The following CCDC73 variants were observed in gnomAD, a reference collection of about 807,000 sequenced individuals.
The protein encoded by CCDC73 is coiled-coil domain-containing protein 73.
In CCDC73, 95 loss-of-function variants were observed where a neutral mutation model predicts 116.5. The ratio of observed to expected loss-of-function variants is 0.82; its 90% CI spans 0.69 to 0.97. The LOEUF (loss-of-function observed/expected upper bound fraction) is 0.97, where lower values mean the gene tolerates loss of function less well. CCDC73 is among the 50% of genes least tolerant of loss of function. The pLI, the probability that CCDC73 is intolerant of heterozygous loss-of-function variation, is 0.00. For missense variants in CCDC73, 1,066 were observed against 1,206.8 expected, an observed-to-expected ratio of 0.88 and a Z score of 1.73; for synonymous variants, 398 against 401.3, an observed-to-expected ratio of 0.99 and a Z score of 0.10.
intron 2 of CCDC73, among the ~76,000 whole-genome samples, chr11:32,738,208 G>A (rs1170460501): frequency 6.6e-6 from 1 of 152,072 alleles, no homozygotes; most frequent in East Asian, 1.9e-4. Context: ...CTTTCCTTTG[G>A]GTATATACCT....
chr11:32,644,213 C>T (rs1035231174), intron 12 of CCDC73, among the ~76,000 whole-genome samples: 6 of 152,188 alleles, frequency 3.9e-5, no homozygotes, highest in South Asian at 2.1e-4. Context: ...AGGCCATTAT[C>T]CTAAGAAAAC....
At chr11:32,686,417 T>C (rs780954502) in intron 6 of CCDC73, among the ~76,000 whole-genome samples, 1 of 151,314 alleles carries the variant, frequency 6.6e-6, no homozygotes, top group Non-Finnish European at 1.5e-5. Context: ...GATGTACATT[T>C]AGAAGTCTTC....
chr11:32,687,278 A>G (rs2133299686), intron 6 of CCDC73, among the ~76,000 whole-genome samples: 1 of 152,222 alleles, frequency 6.6e-6, no homozygotes, highest in East Asian at 1.9e-4. Flanking sequence ...AGAAAAGAGG[A>G]TTTTCCCATG....
At chr11:32,661,856 C>A (rs1239918572) in intron 9 of CCDC73, among the ~76,000 whole-genome samples, 1 of 150,494 alleles carries the variant, frequency 6.6e-6, no homozygotes, top group Non-Finnish European at 1.5e-5. Context: ...CACAACAGTC[C>A]CCGGAGTGTG....
rs185554095 is a variant in CCDC73, at chr11:32,712,964, T to C, written c.207+5112A>G. On this transcript the variant is annotated intron_variant, in intron 3 of 17. Transcript: ENST00000335185. ...AATAACTTCCTATATAAAGTATATC[T>C]CTTTGATCTCTATTTCTAATAAGTG... 8.5e-5 allele frequency among the ~76,000 whole-genome samples: 13 copies of C among 152,192 alleles called. No individual in the cohort carries two copies. In the East Asian group the frequency reaches 2.5e-3, roughly 29 times the overall value.
chr11:32,693,629 C>T lies in CCDC73; in HGVS notation c.390+5622G>A, dbSNP rs137999714. Among the ~76,000 whole-genome samples the T allele has an allele frequency of 7.2e-3, 1,093 of 152,234 alleles. 17 individuals are homozygous for T. The highest frequency in any genetic ancestry group is 0.025 in the African/African-American group (1,052 of 41,546). On this transcript the variant is annotated intron_variant, in intron 6 of 17. Transcript: ENST00000335185. ...CACAACAAAAAGAGGGAATTTTAGA[C>T]GAATATCCCTGATGAACATCGATGC...
chr11:32,662,952 C>T (rs1855944599), intron 9 of CCDC73, among the ~76,000 whole-genome samples: 1 of 152,126 alleles, frequency 6.6e-6, no homozygotes. Flanking sequence ...GGAATCCTTT[C>T]CCCATTTCTT....
At chr11:32,631,173 C>T (rs937797329) in intron 14 of CCDC73, among the ~76,000 whole-genome samples, 1 of 152,162 alleles carries the variant, frequency 6.6e-6, no homozygotes, top group Admixed American at 6.5e-5. Context: ...TGATAGAACA[C>T]AGACACAGAT....
chr11:32,732,570 T>C (rs1850088882), intron 2 of CCDC73, among the ~76,000 whole-genome samples: 1 of 152,150 alleles, frequency 6.6e-6, no homozygotes, highest in Non-Finnish European at 1.5e-5. Context: ...AGCGGATCTC[T>C]TGGCAAAAAC....
chr11:32,711,626 G>A lies in CCDC73; in HGVS notation c.207+6450C>T, dbSNP rs190913505. 1.3e-4 allele frequency among the ~76,000 whole-genome samples: 20 copies of A among 152,242 alleles called. No individual in the cohort carries two copies. The East Asian group carries it at 3.1e-3, about 24-fold the overall frequency. On this transcript the variant is annotated intron_variant, in intron 3 of 17. Transcript: ENST00000335185. ...GGAATCAGGCAAAAGGCTGGGAGAG[G>A]GGTGAGGGATAAAAGAATACACACT... is the stretch of plus-strand genomic sequence containing the variant.
chr11:32,798,453 G>T (rs949829996), upstream of CCDC73, among the ~76,000 whole-genome samples: 8 of 152,136 alleles, frequency 5.3e-5, no homozygotes, highest in African/African-American at 1.9e-4. Flanking sequence ...GACCACAGGC[G>T]CACGCCACCA....
Position 32,611,271 on chromosome 11 carries a change from T to C in CCDC73, c.2897-6A>G. 1.9e-6 allele frequency: 3 copies of C among 1,609,390 alleles called. No homozygotes were observed. Among genetic ancestry groups the C allele is most frequent in the South Asian group, 1.1e-5 (1 of 89,906 alleles). ...TCTGTTAATGCTGGTAGTATCTGAT[T>C]GATAAAGAGGAAATGGCAACAACTG... On this transcript the variant is annotated splice_polypyrimidine_tract_variant and splice_region_variant and intron_variant, in intron 16 of 17. Coordinates refer to ENST00000335185, the MANE Select transcript of CCDC73 (RefSeq NM_001008391.4).
At chr11:32,753,637 T>C (rs1194901746) in intron 2 of CCDC73, among the ~76,000 whole-genome samples, 3 of 152,100 alleles carry the variant, frequency 2.0e-5, no homozygotes, top group Non-Finnish European at 2.9e-5. Context: ...GCTAATTTTT[T>C]GTATTTTTAA....
chr11:32,610,264 G>A (rs1407407270), intron 17 of CCDC73, among the ~76,000 whole-genome samples: 1 of 152,128 alleles, frequency 6.6e-6, no homozygotes, highest in East Asian at 1.9e-4. Flanking sequence ...CATGACACAT[G>A]GGAACTGTGG....
At chr11:32,687,795 G>C (rs1856216560) in intron 6 of CCDC73, among the ~76,000 whole-genome samples, 1 of 152,046 alleles carries the variant, frequency 6.6e-6, no homozygotes, top group African/African-American at 2.4e-5. Context: ...TCTACTAACA[G>C]GAACCAGGGT....
chr11:32,644,788 T>C (rs1208758070), intron 12 of CCDC73, among the ~76,000 whole-genome samples: 1 of 152,158 alleles, frequency 6.6e-6, no homozygotes, highest in African/African-American at 2.4e-5. Flanking sequence ...AATAATCTGT[T>C]TTCTGTCTCT....
intron 16 of CCDC73, 85 bp from the exon 17 acceptor site, chr11:32,611,350 T>C (rs1855421028): frequency 1.7e-6 from 2 of 1,189,478 alleles, no homozygotes; most frequent in Non-Finnish European, 2.4e-6. Flanking sequence ...GATCCTATGC[T>C]TTTGTATTTA....
At chr11:32,608,778 A>G (rs773477787) in intron 17 of CCDC73, among the ~76,000 whole-genome samples, 9 of 152,082 alleles carry the variant, frequency 5.9e-5, no homozygotes, top group Non-Finnish European at 1.0e-4. Flanking sequence ...ATTTCCATAC[A>G]TCCTTTGAAA....
At chr11:32,727,579 T>C (rs1018863402) in intron 2 of CCDC73, among the ~76,000 whole-genome samples, 10 of 150,752 alleles carry the variant, frequency 6.6e-5, no homozygotes, top group African/African-American at 2.2e-4. Context: ...GCAATTTTTT[T>C]TTCTTTTTTT....
Sources: gnomAD v4.1 joint callset for allele counts (sites outside exome capture counted in the v4.1 genomes callset) on GRCh38, gnomAD v4.1.1 for gene constraint, MANE v1.5 for transcripts, NCBI Gene and HGNC (gene_info 2026-07-23, HGNC 2026-07-21) for gene names.